DCC: variants seen among roughly 807,000 people sequenced by gnomAD.
DCC encodes the protein DCC netrin 1 receptor.
DCC carries 58 observed loss-of-function variants against 172.5 expected under a neutral mutation model. The observed-to-expected ratio is 0.34, with a 90% CI of 0.27 to 0.42. The LOEUF (loss-of-function observed/expected upper bound fraction) is 0.42. DCC is among the 10% of genes least tolerant of loss of function. DCC has a pLI of 1.00. For missense variants in DCC, 1,740 were observed against 1,791.0 expected, an observed-to-expected ratio of 0.97 and a Z score of 0.51; for synonymous variants, 709 against 644.5, an observed-to-expected ratio of 1.10 and a Z score of -1.52.
At chr18:53,024,036 C>A (rs1293412611) in intron 5 of DCC, among the ~76,000 whole-genome samples, 1 of 152,076 alleles carries the variant, frequency 6.6e-6, no homozygotes, top group Non-Finnish European at 1.5e-5. Flanking sequence ...TGGGTAGAAT[C>A]AACAACTCTA....
intron 12 of DCC, among the ~76,000 whole-genome samples, chr18:53,217,269 A>G: frequency 1.8e-5 from 1 of 55,078 alleles, no homozygotes; most frequent in South Asian, 8.3e-4. Flanking sequence ...TTATACACAC[A>G]CACACACACA....
At chr18:52,959,520 C>T (rs1464328002) in intron 5 of DCC, among the ~76,000 whole-genome samples, 2 of 148,754 alleles carry the variant, frequency 1.3e-5, no homozygotes, top group African/African-American at 2.6e-5. Flanking sequence ...CGATGGAACC[C>T]GTCACCCAGA....
chr18:53,481,908 T>A (rs1251651621), intron 25 of DCC, among the ~76,000 whole-genome samples: 4 of 152,180 alleles, frequency 2.6e-5, no homozygotes, highest in African/African-American at 9.7e-5. Context: ...TAAATTCAAT[T>A]GTCAGAAAGC....
At chr18:52,387,697 A>G (rs920030371) in intron 1 of DCC, among the ~76,000 whole-genome samples, 7 of 150,838 alleles carry the variant, frequency 4.6e-5, no homozygotes, top group Non-Finnish European at 1.5e-5. Context: ...TAAGAAGAAG[A>G]ATGTGATATT....
chr18:53,526,018 C>G (rs2046450418), intron 27 of DCC, among the ~76,000 whole-genome samples: 1 of 152,006 alleles, frequency 6.6e-6, no homozygotes. Context: ...TCAGCAGTGC[C>G]TCTTATGATT....
intron 12 of DCC, among the ~76,000 whole-genome samples, chr18:53,289,201 A>G (rs2056970546): frequency 6.6e-6 from 1 of 152,190 alleles, no homozygotes; most frequent in Non-Finnish European, 1.5e-5. Flanking sequence ...ATAATTGTTG[A>G]AATTCGCAAT....
intron 5 of DCC, among the ~76,000 whole-genome samples, chr18:53,015,887 C>G (rs2041801827): frequency 6.6e-6 from 1 of 152,012 alleles, no homozygotes; most frequent in Non-Finnish European, 1.5e-5. Flanking sequence ...TTTTCAAAAG[C>G]TTGTGCATTA....
chr18:53,080,987 C>T (rs1004249234), intron 7 of DCC, among the ~76,000 whole-genome samples: 2 of 152,014 alleles, frequency 1.3e-5, no homozygotes, highest in Non-Finnish European at 2.9e-5. Flanking sequence ...GCACTGCCAT[C>T]TTGGAATAAT....
rs538431481 is a variant in DCC at position 53,212,194 on chromosome 18, A to G, written c.1862-3354A>G. Reference sequence around the variant, plus strand: ...CTGTCCTACAAAATACCTCATCTCCATGAGTTTCAAGCCAACATCCTTCTC... The same window carrying G: ...CTGTCCTACAAAATACCTCATCTCCGTGAGTTTCAAGCCAACATCCTTCTC... On this transcript the variant is annotated intron_variant, in intron 11 of 28. Coordinates refer to ENST00000442544, the MANE Select transcript of DCC (RefSeq NM_005215.4). Among the ~76,000 whole-genome samples the G allele has an allele frequency of 1.1e-3, 160 of 152,270 alleles. 1 individual carries two copies. Among genetic ancestry groups the G allele is most frequent in the Admixed American group, 2.7e-3 (41 of 15,286 alleles).
At chr18:53,265,302 C>T (rs2056660306) in intron 12 of DCC, among the ~76,000 whole-genome samples, 1 of 152,246 alleles carries the variant, frequency 6.6e-6, no homozygotes, top group South Asian at 2.1e-4. Context: ...AGGTGACAGC[C>T]TCTAAGACAT....
chr18:52,998,289 C>T (rs529799345), intron 5 of DCC, among the ~76,000 whole-genome samples: 1 of 152,048 alleles, frequency 6.6e-6, no homozygotes, highest in Admixed American at 6.6e-5. Context: ...CTGATCTCTC[C>T]ATCCTCATCA....
chr18:52,730,296 A>G (rs1476224714), intron 1 of DCC, among the ~76,000 whole-genome samples: 3 of 152,116 alleles, frequency 2.0e-5, no homozygotes, highest in East Asian at 1.9e-4. Flanking sequence ...TAGACATCCT[A>G]TAATGCACAG....
At chr18:52,551,737 C>G (rs1247044224) in intron 1 of DCC, among the ~76,000 whole-genome samples, 1 of 142,386 alleles carries the variant, frequency 7.0e-6, no homozygotes, top group African/African-American at 2.7e-5. Flanking sequence ...TACACACACA[C>G]ACACACACAC....
intron 12 of DCC, among the ~76,000 whole-genome samples, chr18:53,292,116 C>T (rs896268895): frequency 2.0e-5 from 3 of 146,876 alleles, no homozygotes; most frequent in East Asian, 2.0e-4. Flanking sequence ...GAGCTCCACC[C>T]CCCCCCCCTT....
At chr18:53,158,988 C>CAAAT (rs2054792226) in intron 8 of DCC, among the ~76,000 whole-genome samples, 1 of 52,376 alleles carries the variant, frequency 1.9e-5, no homozygotes. Flanking sequence ...GACGCCATCT[C>CAAAT]AAAAAAAAAA....
chr18:53,194,573 G>A (rs903692489), intron 9 of DCC, among the ~76,000 whole-genome samples: 5 of 151,952 alleles, frequency 3.3e-5, no homozygotes, highest in African/African-American at 7.3e-5. Context: ...GGGCTCAAGC[G>A]ATTCTCCTGC....
At chr18:52,964,023 A>G (rs1396729857) in intron 5 of DCC, among the ~76,000 whole-genome samples, 1 of 152,182 alleles carries the variant, frequency 6.6e-6, no homozygotes, top group Non-Finnish European at 1.5e-5. Flanking sequence ...ACTTTAATGG[A>G]TAGAGACAGC....
chr18:53,037,262 A>T (rs1213267742), intron 5 of DCC, among the ~76,000 whole-genome samples: 1 of 151,996 alleles, frequency 6.6e-6, no homozygotes, highest in South Asian at 2.1e-4. Context: ...CACCTAGGAA[A>T]ATTTGGAGGA....
At chr18:53,155,738 C>A (rs1311968063) in intron 7 of DCC, among the ~76,000 whole-genome samples, 2 of 152,324 alleles carry the variant, frequency 1.3e-5, no homozygotes, top group African/African-American at 4.8e-5. Flanking sequence ...CAAATTGTTT[C>A]CAAACAGGCT....
Sources: gnomAD v4.1 joint callset for allele counts (sites outside exome capture counted in the v4.1 genomes callset) on GRCh38, gnomAD v4.1.1 for gene constraint, MANE v1.5 for transcripts, NCBI Gene and HGNC (gene_info 2026-07-23, HGNC 2026-07-21) for gene names.